EYS: variants seen among roughly 807,000 people sequenced by gnomAD.
EYS encodes the protein EGF-like photoreceptor maintenance factor.
In EYS, 250 loss-of-function variants were observed where a neutral mutation model predicts 282.1. The ratio of observed to expected loss-of-function variants is 0.89; its 90% CI spans 0.80 to 0.98. The LOEUF (loss-of-function observed/expected upper bound fraction) is 0.98, where lower values mean the gene tolerates loss of function less well. Among genes scored for constraint, EYS ranks in the 50% least tolerant of loss-of-function variants. The pLI is 0.00. For synonymous variants in EYS, 1,355 were observed against 1,282.9 expected (o/e 1.06, Z -1.20); for missense variants, 4,016 against 3,709.0 (o/e 1.08, Z -2.15).
intron 24 of EYS, among the ~76,000 whole-genome samples, chr6:64,615,878 A>G (rs1328818129): frequency 6.6e-6 from 1 of 152,048 alleles, no homozygotes; most frequent in East Asian, 1.9e-4. Flanking sequence ...ATTTTCTTCT[A>G]TTTAGTAGAC....
intron 12 of EYS, among the ~76,000 whole-genome samples, chr6:65,280,850 T>G (rs1488914642): frequency 7.5e-6 from 1 of 134,020 alleles, no homozygotes; most frequent in African/African-American, 2.6e-5. Flanking sequence ...AAACCCCGTC[T>G]GTACTAAAAA....
At chr6:64,996,878 T>C (rs1402653483) in intron 14 of EYS, among the ~76,000 whole-genome samples, 3 of 152,226 alleles carry the variant, frequency 2.0e-5, no homozygotes, top group Non-Finnish European at 4.4e-5. Context: ...ATATCAGTTC[T>C]GTTGTTAAGT....
At chr6:64,236,959 C>T (rs973592574) in intron 30 of EYS, among the ~76,000 whole-genome samples, 8 of 151,898 alleles carry the variant, frequency 5.3e-5, no homozygotes, top group Non-Finnish European at 1.2e-4. Context: ...AAAATCTCCC[C>T]ATTTCTTCTA....
At chr6:65,075,862 T>C (rs1282156980) in intron 12 of EYS, among the ~76,000 whole-genome samples, 1 of 151,982 alleles carries the variant, frequency 6.6e-6, no homozygotes, top group African/African-American at 2.4e-5. Context: ...AATGCATAAA[T>C]ATCTGATTAT....
At chr6:64,927,752 T>C (rs1768565424) in intron 15 of EYS, among the ~76,000 whole-genome samples, 1 of 152,142 alleles carries the variant, frequency 6.6e-6, no homozygotes, top group Non-Finnish European at 1.5e-5. Flanking sequence ...AATATCAGTA[T>C]ATCATCTGGC....
chr6:65,186,989 T>C (rs1765531577), intron 12 of EYS, among the ~76,000 whole-genome samples: 1 of 151,800 alleles, frequency 6.6e-6, no homozygotes, highest in Non-Finnish European at 1.5e-5. Flanking sequence ...GCGTTCACTA[T>C]TATTGCCTCA....
intron 1 of EYS, among the ~76,000 whole-genome samples, chr6:65,673,656 A>G (rs1400926915): frequency 1.3e-5 from 2 of 152,184 alleles, no homozygotes; most frequent in East Asian, 1.9e-4. Flanking sequence ...GATTGAGGAC[A>G]GTAAGGTGCA....
chr6:64,753,810 T>C (rs1772841783), intron 22 of EYS, among the ~76,000 whole-genome samples: 1 of 152,088 alleles, frequency 6.6e-6, no homozygotes, highest in African/African-American at 2.4e-5. Flanking sequence ...TATATTCTTC[T>C]CTTGAGTGCA....
intron 12 of EYS, among the ~76,000 whole-genome samples, chr6:65,063,561 A>G (rs897977732): frequency 2.6e-5 from 4 of 152,080 alleles, no homozygotes; most frequent in African/African-American, 4.8e-5. Context: ...CCAGGTCAGA[A>G]TAATGGCCAA....
At chr6:65,318,239 A>G (rs1769368896) in intron 11 of EYS, among the ~76,000 whole-genome samples, 1 of 150,244 alleles carries the variant, frequency 6.7e-6, no homozygotes, top group South Asian at 2.1e-4. Flanking sequence ...CTTGTTTTTC[A>G]CTCCTTTCCC....
At chr6:64,304,103 C>G (rs1769347548) in intron 30 of EYS, among the ~76,000 whole-genome samples, 1 of 152,100 alleles carries the variant, frequency 6.6e-6, no homozygotes, top group Non-Finnish European at 1.5e-5. Flanking sequence ...TTAATCTGCA[C>G]TAAATAAACG....
intron 36 of EYS, among the ~76,000 whole-genome samples, chr6:63,809,390 C>G (rs1328184702): frequency 6.6e-6 from 1 of 152,230 alleles, no homozygotes; most frequent in African/African-American, 2.4e-5. Flanking sequence ...AAGGATCAGT[C>G]ATCATCTAAT....
At chr6:65,356,936 T>C (rs186989829) in intron 8 of EYS, among the ~76,000 whole-genome samples, 260 of 152,034 alleles carry the variant, frequency 1.7e-3, no homozygotes, top group African/African-American at 6.0e-3. Context: ...AACATGAAAA[T>C]AGATGTACAA....
intron 29 of EYS, among the ~76,000 whole-genome samples, chr6:64,374,404 G>T (rs1191849418): frequency 4.0e-5 from 6 of 151,396 alleles, no homozygotes; most frequent in Non-Finnish European, 8.8e-5. Context: ...CAGTGTAGAA[G>T]GCTGGTGGGT....
chr6:64,473,407 T>C (rs1002709112), intron 26 of EYS, among the ~76,000 whole-genome samples: 3 of 152,116 alleles, frequency 2.0e-5, no homozygotes, highest in African/African-American at 4.8e-5. Flanking sequence ...ATAGAAATAA[T>C]GGTAATTGGT....
At chr6:64,853,843 C>A (rs1210250551) in intron 19 of EYS, among the ~76,000 whole-genome samples, 1 of 151,988 alleles carries the variant, frequency 6.6e-6, no homozygotes, top group Non-Finnish European at 1.5e-5. Context: ...TTTTTGCAAT[C>A]TACTCATCTG....
intron 14 of EYS, among the ~76,000 whole-genome samples, chr6:64,977,818 G>A (rs1229478671): frequency 6.6e-6 from 1 of 151,916 alleles, no homozygotes; most frequent in Non-Finnish European, 1.5e-5. Context: ...TGATAGTCCA[G>A]TTAGGCGAAA....
chr6:64,480,139 C>T (rs1237657591), intron 26 of EYS, among the ~76,000 whole-genome samples: 2 of 151,852 alleles, frequency 1.3e-5, no homozygotes. Flanking sequence ...TTGTAGTGGT[C>T]TGCTAAATAC....
rs182896849 is a variant in EYS, at chr6:63,971,630, T to G, written c.7055+12753A>C. On this transcript the variant is annotated intron_variant, in intron 35 of 42. Coordinates refer to ENST00000503581, the MANE Select transcript of EYS (RefSeq NM_001142800.2). Reference sequence around the variant, plus strand: ...TGAGGCTTTAATTTGTGTTTCTAAGTGGATGGGTAGACTAGAGAAGGAAAT... The same window carrying G: ...TGAGGCTTTAATTTGTGTTTCTAAGGGGATGGGTAGACTAGAGAAGGAAAT... 3.6e-4 allele frequency among the ~76,000 whole-genome samples: 55 copies of G among 152,198 alleles called. 2 individuals carry two copies. The East Asian group carries it at 5.6e-3, about 16-fold the overall frequency.
Sources: gnomAD v4.1 joint callset for allele counts (sites outside exome capture counted in the v4.1 genomes callset) on GRCh38, gnomAD v4.1.1 for gene constraint, MANE v1.5 for transcripts, NCBI Gene and HGNC (gene_info 2026-07-23, HGNC 2026-07-21) for gene names.